The following GALNT11 variants were observed in gnomAD, a reference collection of about 807,000 sequenced individuals.
The protein encoded by GALNT11 is UDP-GalNAc:polypeptide N-acetylgalactosaminyltransferase 11.
GALNT11 carries 47 observed loss-of-function variants against 72.7 expected under a neutral mutation model. That is an observed-to-expected ratio of 0.65 (90% CI 0.51 to 0.82). The LOEUF (loss-of-function observed/expected upper bound fraction) is 0.82, where lower values mean the gene tolerates loss of function less well. Ranked by LOEUF, GALNT11 falls within the 40% of genes least tolerant of loss-of-function variation. GALNT11 has a pLI of 0.00. For missense variants in GALNT11, 677 were observed against 778.4 expected (o/e 0.87, Z 1.55); for synonymous variants, 270 against 286.6 (o/e 0.94, Z 0.58).
intron 8 of GALNT11, among the ~76,000 whole-genome samples, chr7:152,114,740 A>G (rs2088660747): frequency 6.6e-6 from 1 of 151,578 alleles, no homozygotes; most frequent in African/African-American, 2.4e-5. Flanking sequence ...TTGCTGCTGT[A>G]TTTGTGTATA....
At chr7:152,055,344 T>G (rs960583849) in intron 1 of GALNT11, among the ~76,000 whole-genome samples, 3 of 152,154 alleles carry the variant, frequency 2.0e-5, no homozygotes, top group Non-Finnish European at 4.4e-5. Context: ...TTAAACTCAT[T>G]TATGGAATTC....
chr7:152,110,190 G>A (rs2088028561), intron 6 of GALNT11, among the ~76,000 whole-genome samples: 1 of 152,192 alleles, frequency 6.6e-6, no homozygotes, highest in Non-Finnish European at 1.5e-5. Context: ...TCTCCTTGGT[G>A]GACCTTAGAG....
At chr7:152,085,620 T>C (rs2085595221) in intron 1 of GALNT11, among the ~76,000 whole-genome samples, 1 of 152,150 alleles carries the variant, frequency 6.6e-6, no homozygotes, top group Non-Finnish European at 1.5e-5. Context: ...AGCTTTTGAT[T>C]TTTGTTTGGA....
chr7:152,053,112 A>AT (rs1029761251), intron 1 of GALNT11, among the ~76,000 whole-genome samples: 70 of 151,896 alleles, frequency 4.6e-4, no homozygotes, highest in Non-Finnish European at 5.6e-4. Flanking sequence ...TTGGTTCTAG[A>AT]TTTTTTTTCC....
chr7:152,104,913 A>C (rs2087362534), intron 4 of GALNT11: 1 of 161,578 alleles, frequency 6.2e-6, no homozygotes, highest in Admixed American at 6.4e-5. Context: ...TATCAATGTG[A>C]TTTATATATG....
chr7:152,074,849 C>CTG (rs1054934573), intron 1 of GALNT11: 1 of 152,302 alleles, frequency 6.6e-6, no homozygotes, highest in Admixed American at 6.5e-5. Flanking sequence ...TTTTTTTGCC[C>CTG]TGTAGGTATG....
At chr7:152,117,608 G>A (rs2089004607) in intron 9 of GALNT11, 2 of 563,484 alleles carry the variant, frequency 3.5e-6, no homozygotes, top group African/African-American at 1.9e-5. Context: ...TAAGTTATGT[G>A]ACGCTTTCCA....
chr7:152,076,732 G>A (rs1203817347), intron 1 of GALNT11, among the ~76,000 whole-genome samples: 1 of 152,200 alleles, frequency 6.6e-6, no homozygotes, highest in African/African-American at 2.4e-5. Flanking sequence ...AACACTGTGC[G>A]GGATAGTAAT....
At position 152,094,651 on chromosome 7, in the gene GALNT11, T is replaced by C; in HGVS notation, c.295+129T>C. The C allele has an allele frequency of 1.9e-6, 2 of 1,062,150 alleles. No individual in the cohort carries two copies. The allele number at this position is 1,062,150 out of a possible 1,614,324, so 65.8% of individuals were successfully genotyped here. A position where few individuals can be genotyped will look rare whatever the true frequency, so the allele number is the denominator to read the frequency against. ...CCACTGATTTATTTTGTTTGTGAAC[T>C]ACCTGAAGTTCTGTGGTTTCTGCAG... On this transcript the variant is annotated intron_variant, in intron 2 of 11. Coordinates refer to ENST00000430044, the MANE Select transcript of GALNT11 (RefSeq NM_022087.4). The surrounding 1 kb of genome is among the most constrained non-coding windows in gnomAD (Gnocchi z 4.3).
Position 152,094,699 on chromosome 7 carries a change from A to G in GALNT11, c.295+177A>G, listed in dbSNP as rs965509011. On this transcript the variant is annotated intron_variant, in intron 2 of 11. Coordinates refer to ENST00000430044, the MANE Select transcript of GALNT11 (RefSeq NM_022087.4). This position sits in a 1 kb window ranked among gnomAD's most constrained non-coding sequence, Gnocchi z 4.3. ...CAGACTCAGTGGGGAGTTATATTCT[A>G]ATTTATCCAGTTCTGACTTCAGTAT... Among the ~76,000 whole-genome samples, 14 of 152,200 alleles carry G rather than the reference A, an allele frequency of 9.2e-5. No homozygotes were observed. The highest frequency in any genetic ancestry group is 1.6e-4 in the Non-Finnish European group (11 of 68,030).
At chr7:152,028,803 C>G (rs2082166971) in intron 1 of GALNT11, among the ~76,000 whole-genome samples, 1 of 152,188 alleles carries the variant, frequency 6.6e-6, no homozygotes, top group African/African-American at 2.4e-5. Flanking sequence ...CAGAGGGGAA[C>G]TCTTTAGGCC....
intron 1 of GALNT11, among the ~76,000 whole-genome samples, chr7:152,084,537 G>T (rs143405743): frequency 4.6e-5 from 7 of 152,098 alleles, no homozygotes; most frequent in Admixed American, 2.0e-4. Flanking sequence ...TTTTGTTGGC[G>T]TGTTGAGTAT....
Position 152,101,642 on chromosome 7 carries a change from T to TGGG in GALNT11, c.419+731_419+733dup, listed in dbSNP as rs35797393. On this transcript the variant is annotated intron_variant, in intron 3 of 11. Transcript: ENST00000430044. ...GTTCTCTAAGTTCATGGCTTTTTTT[T>TGGG]GGGGGGGGGGGGATGGAGTCTTTCT... Among the ~76,000 whole-genome samples the TGGG allele has an allele frequency of 2.4e-4, 22 of 93,224 alleles. 1 individual carries two copies. The highest frequency in any genetic ancestry group is 7.9e-4 in the African/African-American group (20 of 25,240). 61.2% of individuals were successfully genotyped at this position (93,224 alleles called of 152,430 possible).
intron 2 of GALNT11, among the ~76,000 whole-genome samples, chr7:152,095,894 C>A (rs1221769978): frequency 2.0e-5 from 3 of 152,034 alleles, no homozygotes; most frequent in African/African-American, 7.2e-5. Context: ...CCACAAAAAA[C>A]CTATTAGAGG....
chr7:152,080,299 A>G (rs2085243735), intron 1 of GALNT11, among the ~76,000 whole-genome samples: 1 of 152,140 alleles, frequency 6.6e-6, no homozygotes, highest in South Asian at 2.1e-4. Context: ...ATGGTATCCT[A>G]TTTCTTTCAT....
intron 1 of GALNT11, among the ~76,000 whole-genome samples, chr7:152,089,868 T>C (rs1261436811): frequency 6.6e-6 from 1 of 152,196 alleles, no homozygotes; most frequent in African/African-American, 2.4e-5. Flanking sequence ...AAGGGAAACT[T>C]TGAAGAGGAA....
At chr7:152,070,666 A>G (rs2084586279) in intron 1 of GALNT11, among the ~76,000 whole-genome samples, 1 of 152,194 alleles carries the variant, frequency 6.6e-6, no homozygotes, top group Non-Finnish European at 1.5e-5. Context: ...TACCCACATA[A>G]TCCAGAATAA....
intron 9 of GALNT11, 141 bp downstream of exon 9, chr7:152,117,516 T>A: frequency 2.5e-6 from 2 of 796,656 alleles, no homozygotes; most frequent in Admixed American, 5.5e-5. Flanking sequence ...CATTATATTC[T>A]CTTTATGGGA....
chr7:152,082,837 T>A (rs2085397952), intron 1 of GALNT11, among the ~76,000 whole-genome samples: 1 of 152,240 alleles, frequency 6.6e-6, no homozygotes, highest in African/African-American at 2.4e-5. Context: ...TTTTTCAGTT[T>A]GATCGGGTGG....
Sources: allele counts gnomAD v4.1 joint callset (sites outside exome capture counted in the v4.1 genomes callset), GRCh38; gene constraint gnomAD v4.1.1; non-coding constraint Gnocchi (gnomAD v3.1); transcripts MANE v1.5; gene names NCBI Gene and HGNC (gene_info 2026-07-23, HGNC 2026-07-21).